The following MARCHF4 variants were observed in gnomAD, a reference collection of about 807,000 sequenced individuals.
The protein encoded by MARCHF4 is membrane associated ring-CH-type finger 4, also known as E3 ubiquitin-protein ligase MARCHF4.
In MARCHF4, 14 loss-of-function variants were observed where a neutral mutation model predicts 43.9. That is an observed-to-expected ratio of 0.32 (90% CI 0.21 to 0.50). MARCHF4 has a LOEUF of 0.50. MARCHF4 is among the 20% of genes least tolerant of loss of function. The pLI is 0.98. For synonymous variants in MARCHF4, 226 were observed against 213.3 expected, an observed-to-expected ratio of 1.06 and a Z score of -0.52; for missense variants, 468 against 536.7, an observed-to-expected ratio of 0.87 and a Z score of 1.27.
chr2:216,330,046 T>C (rs1042194076), intron 1 of MARCHF4, among the ~76,000 whole-genome samples: 2 of 151,840 alleles, frequency 1.3e-5, no homozygotes, highest in Non-Finnish European at 2.9e-5. Context: ...TGCAGTGAGC[T>C]CTGATCACTG....
At chr2:216,340,780 G>A (rs1291267141) in intron 1 of MARCHF4, among the ~76,000 whole-genome samples, 2 of 152,174 alleles carry the variant, frequency 1.3e-5, no homozygotes, top group Non-Finnish European at 2.9e-5. Flanking sequence ...TAGGGACAAG[G>A]GAAGTATAGT....
chr2:216,272,882 T>C (rs1202122971), intron 3 of MARCHF4, among the ~76,000 whole-genome samples: 1 of 152,250 alleles, frequency 6.6e-6, no homozygotes, highest in Non-Finnish European at 1.5e-5. Flanking sequence ...TCCTCAACTC[T>C]GGAACTGTGC....
chr2:216,295,565 G>A (rs1467204959), intron 1 of MARCHF4, among the ~76,000 whole-genome samples: 1 of 152,174 alleles, frequency 6.6e-6, no homozygotes, highest in Non-Finnish European at 1.5e-5. Flanking sequence ...TGTCATTGTT[G>A]GCTTTCATGT....
At chr2:216,352,488 C>T (rs1410049405) in intron 1 of MARCHF4, among the ~76,000 whole-genome samples, 1 of 151,960 alleles carries the variant, frequency 6.6e-6, no homozygotes, top group East Asian at 1.9e-4. Context: ...CCAGGGGTGA[C>T]ATTTCTTTCC....
chr2:216,285,623 T>C (rs1334611210), intron 1 of MARCHF4, among the ~76,000 whole-genome samples: 1 of 152,156 alleles, frequency 6.6e-6, no homozygotes, highest in African/African-American at 2.4e-5. Flanking sequence ...AGCCACCTCC[T>C]GGAGAGGAGA....
intron 1 of MARCHF4, among the ~76,000 whole-genome samples, chr2:216,328,181 T>G (rs917906973): frequency 1.3e-5 from 2 of 151,866 alleles, no homozygotes; most frequent in Non-Finnish European, 2.9e-5. Flanking sequence ...TTTGTTTTGG[T>G]TTTTTTTGAG....
At chr2:216,320,607 T>TTTTCTTTC (rs552086212) in intron 1 of MARCHF4, among the ~76,000 whole-genome samples, 1,325 of 112,090 alleles carry the variant, frequency 0.012, 20 homozygotes, top group East Asian at 0.021. Context: ...TATAGCCTCT[T>TTTTCTTTC]TTTCTTTCTT....
rs73988374 is a variant in MARCHF4 at position 216,342,082 on chromosome 2, G to A, written c.516+27663C>T. 6.4e-3 allele frequency among the ~76,000 whole-genome samples: 972 copies of A among 152,246 alleles called. 8 individuals carry two copies. Among genetic ancestry groups the A allele is most frequent in the African/African-American group, 0.022 (921 of 41,544 alleles). ...TCTTCCCATTTTTCAAGAGGAGTCC[G>A]ATCTGAAGTGTGTATGTGTGTGTAG... On this transcript the variant is annotated intron_variant, in intron 1 of 3. Transcript: ENST00000273067.
intron 3 of MARCHF4, among the ~76,000 whole-genome samples, chr2:216,263,790 T>C (rs1403823726): frequency 1.3e-5 from 2 of 151,896 alleles, no homozygotes. Context: ...GTAGGAAAGA[T>C]GGAGGGAACA....
At chr2:216,331,405 A>G (rs1179706161) in intron 1 of MARCHF4, among the ~76,000 whole-genome samples, 1 of 152,148 alleles carries the variant, frequency 6.6e-6, no homozygotes, top group Non-Finnish European at 1.5e-5. Context: ...GGCTTCACTG[A>G]TGAATTATCC....
At chr2:216,330,363 A>G (rs1692066944) in intron 1 of MARCHF4, among the ~76,000 whole-genome samples, 1 of 152,220 alleles carries the variant, frequency 6.6e-6, no homozygotes. Context: ...AAAAGTATAT[A>G]AAACAAAGAT....
Position 216,277,872 on chromosome 2 carries a change from G to T in MARCHF4, c.673-8C>A. The T allele has an allele frequency of 2.5e-6, 4 of 1,599,996 alleles. No individual in the cohort carries two copies. Among genetic ancestry groups the T allele is most frequent in the Non-Finnish European group, 3.4e-6 (4 of 1,168,822 alleles). ...CAGAGAGATGGCCTGCCACTGCAGG[G>T]GAGAGAGTGGCCAGTTAGCAGTTGC... On this transcript the variant is annotated splice_region_variant and splice_polypyrimidine_tract_variant and intron_variant, in intron 2 of 3. Transcript: ENST00000273067.
At chr2:216,358,799 T>C (rs150273820) in intron 1 of MARCHF4, among the ~76,000 whole-genome samples, 2 of 152,180 alleles carry the variant, frequency 1.3e-5, no homozygotes, top group Non-Finnish European at 2.9e-5. Context: ...GGCAGAGCCA[T>C]GTTCCTAGAT....
intron 3 of MARCHF4, among the ~76,000 whole-genome samples, chr2:216,260,191 A>G (rs1690718221): frequency 6.6e-6 from 1 of 152,264 alleles, no homozygotes; most frequent in Non-Finnish European, 1.5e-5. Context: ...TATATCTGCC[A>G]GAGGCAGTGA....
chr2:216,323,404 C>T (rs1289467283), intron 1 of MARCHF4, among the ~76,000 whole-genome samples: 4 of 152,100 alleles, frequency 2.6e-5, no homozygotes, highest in African/African-American at 9.7e-5. Context: ...GACAGATCAA[C>T]GAGACAGAAA....
At chr2:216,304,220 C>T (rs573084866) in intron 1 of MARCHF4, among the ~76,000 whole-genome samples, 184 of 152,314 alleles carry the variant, frequency 1.2e-3, no homozygotes, top group Middle Eastern at 3.4e-3. Flanking sequence ...CTCATATATA[C>T]ATATAGATTC....
intron 1 of MARCHF4, among the ~76,000 whole-genome samples, chr2:216,316,785 A>G (rs1559097543): frequency 6.6e-6 from 1 of 152,064 alleles, no homozygotes; most frequent in Non-Finnish European, 1.5e-5. Flanking sequence ...AGAAATCTGC[A>G]TTTTGAAAAA....
chr2:216,312,030 G>T (rs1245511748), intron 1 of MARCHF4, among the ~76,000 whole-genome samples: 1 of 152,004 alleles, frequency 6.6e-6, no homozygotes, highest in Non-Finnish European at 1.5e-5. Context: ...TTGTTACATG[G>T]GTATATTGTG....
chr2:216,297,230 C>G (rs1346235925), intron 1 of MARCHF4, among the ~76,000 whole-genome samples: 1 of 152,212 alleles, frequency 6.6e-6, no homozygotes, highest in East Asian at 1.9e-4. Flanking sequence ...ACTTCTAGAG[C>G]TGGGAAGGGC....
Sources: allele counts gnomAD v4.1 joint callset (sites outside exome capture counted in the v4.1 genomes callset), GRCh38; gene constraint gnomAD v4.1.1; transcripts MANE v1.5; gene names NCBI Gene and HGNC (gene_info 2026-07-23, HGNC 2026-07-21).